Variants in BLM observed in about 807,000 individuals in gnomAD.
The protein encoded by BLM is recQ-like DNA helicase BLM.
A neutral mutation model predicts 135.3 loss-of-function variants in BLM; 95 were observed. That is an observed-to-expected ratio of 0.70 (90% CI 0.59 to 0.83). The LOEUF is 0.83. BLM is among the 40% of genes least tolerant of loss of function. The pLI, the probability that BLM is intolerant of heterozygous loss-of-function variation, is 0.00. For synonymous variants in BLM, 520 were observed against 589.2 expected, an observed-to-expected ratio of 0.88 and a Z score of 1.70; for missense variants, 1,518 against 1,663.9, an observed-to-expected ratio of 0.91 and a Z score of 1.53.
At chr15:90,729,232 C>A (rs558763535) in intron 1 of BLM, among the ~76,000 whole-genome samples, 2 of 152,170 alleles carry the variant, frequency 1.3e-5, no homozygotes, top group African/African-American at 4.8e-5. Context: ...ATTGCTTGAG[C>A]CCAGGAGACA....
chr15:90,737,418 G>A (rs944804635), intron 1 of BLM, among the ~76,000 whole-genome samples: 1 of 152,154 alleles, frequency 6.6e-6, no homozygotes, highest in East Asian at 1.9e-4. Context: ...TAATGGCCAG[G>A]TCTTAGATTT....
intron 12 of BLM, among the ~76,000 whole-genome samples, chr15:90,775,218 C>T (rs1257633058): frequency 2.6e-5 from 4 of 151,980 alleles, no homozygotes; most frequent in South Asian, 2.1e-4. Context: ...AGAGTGGATA[C>T]GGTTGAAGTT....
chr15:90,742,590 GTCTC>G (rs774912502), intron 1 of BLM, among the ~76,000 whole-genome samples: 14 of 150,552 alleles, frequency 9.3e-5, no homozygotes, highest in Admixed American at 5.3e-4. Context: ...TCCATCCCAT[GTCTC>G]TCTCTCTCTC....
intron 5 of BLM, 42 bp from the exon 6 acceptor site, chr15:90,760,105 T>C (rs754532500): frequency 6.3e-7 from 1 of 1,584,808 alleles, no homozygotes; most frequent in Admixed American, 1.7e-5. Flanking sequence ...CTTTTTTTTT[T>C]TTCCCTCAAA....
chr15:90,786,351 C>T (rs1464890340), intron 14 of BLM, among the ~76,000 whole-genome samples: 1 of 152,072 alleles, frequency 6.6e-6, no homozygotes, highest in Admixed American at 6.6e-5. Flanking sequence ...AGTTTTTCCA[C>T]GGACATATGT....
chr15:90,814,329 G>A (rs986122525), intron 21 of BLM, among the ~76,000 whole-genome samples: 2 of 152,216 alleles, frequency 1.3e-5, no homozygotes, highest in East Asian at 1.9e-4. Flanking sequence ...TAAACATGCC[G>A]GCCCCATGGT....
chr15:90,782,447 CAG>C (rs1196190663), intron 12 of BLM, among the ~76,000 whole-genome samples: 1 of 152,142 alleles, frequency 6.6e-6, no homozygotes, highest in Non-Finnish European at 1.5e-5. Context: ...GCTGCTATGA[CAG>C]AATACTGTAG....
rs763559820 is a variant in BLM at position 90,765,344 on chromosome 15, G to A, written c.2123G>A (p.Gly708Glu). The change falls in exon 9 of 22, where the codon GGG becomes GAG. Residue 708 changes from glycine to glutamate, a missense_variant. By Grantham distance (98) the Gly-to-Glu change is moderately conservative. This residue lies in a region of BLM where 626 missense variants were observed against 681.1 expected (regional missense o/e 0.92). Transcript: ENST00000355112. ...CAGCTCCCTGCCTGTGTTTCTCCTG[G>A]GGTCACTGTTGTCATTTCTCCCTTG... ...CYQLPACVSP[G>E]VTVVISPLRS... 2 of 1,613,824 alleles carry A rather than the reference G, an allele frequency of 1.2e-6. No homozygotes were observed. Among genetic ancestry groups the A allele is most frequent in the African/African-American group, 1.3e-5 (1 of 74,988 alleles).
chr15:90,751,790 A>G lies in BLM; in HGVS notation c.803A>G (p.Asn268Ser), dbSNP rs763432949. Reference protein sequence around the residue: ...LKTHLEDERDNSEKKKNLEEA... With the variant: ...LKTHLEDERDSSEKKKNLEEA... Reference sequence around the variant, plus strand: ...TTTATCAACTGTTTTACTGTAGATAATAGCGAAAAGAAGAAGAATTTGGAA... The same window carrying G: ...TTTATCAACTGTTTTACTGTAGATAGTAGCGAAAAGAAGAAGAATTTGGAA... The change falls in exon 4 of 22, where the codon AAT (asparagine) becomes AGT (serine). Residue 268 changes from asparagine (N) to serine (S), a missense_variant. Asn to Ser is a conservative substitution (Grantham distance 46). Transcript: ENST00000355112. 1.2e-5 allele frequency: 19 copies of G among 1,610,918 alleles called. No individual in the cohort carries two copies. Among genetic ancestry groups the G allele is most frequent in the East Asian group, 1.1e-4 (5 of 44,818 alleles).
At chr15:90,725,262 T>A (rs1361757282) in intron 1 of BLM, among the ~76,000 whole-genome samples, 1 of 152,106 alleles carries the variant, frequency 6.6e-6, no homozygotes, top group Non-Finnish European at 1.5e-5. Context: ...AAAGAGTGTG[T>A]ATGTTTTACC....
At chr15:90,797,084 G>A (rs538448442) in intron 16 of BLM, among the ~76,000 whole-genome samples, 1 of 152,230 alleles carries the variant, frequency 6.6e-6, no homozygotes, top group South Asian at 2.1e-4. Flanking sequence ...AAAGACCAAA[G>A]TAAGAGGATC....
chr15:90,787,218 T>G (rs1047901053), intron 14 of BLM, among the ~76,000 whole-genome samples: 1 of 51,752 alleles, frequency 1.9e-5, no homozygotes, highest in Admixed American at 1.4e-4. Flanking sequence ...CCCGGCTAAT[T>G]TTTTTTTGTA....
In BLM at chr15:90,803,554, T is replaced by C. The variant is rs1303187650; in HGVS notation, c.3392T>C (p.Phe1131Ser). ...AGTGCAAAAATCCAGTCAGGTATAT[T>C]TGGAAAAGGATCTGCTTATTCACGA... ...SKSAKIQSGI[F>S]GKGSAYSRHN... The change falls in exon 18 of 22, where the codon TTT (phenylalanine) becomes TCT (serine). Residue 1131 changes from phenylalanine to serine, a missense_variant. Coordinates refer to ENST00000355112, the MANE Select transcript of BLM (RefSeq NM_000057.4). The C allele has an allele frequency of 1.2e-6, 2 of 1,613,916 alleles. No individual in the cohort carries two copies. The highest frequency in any genetic ancestry group is 1.7e-6 in the Non-Finnish European group (2 of 1,179,818).
intron 14 of BLM, among the ~76,000 whole-genome samples, chr15:90,787,714 C>T (rs1896788319): frequency 6.6e-6 from 1 of 152,034 alleles, no homozygotes; most frequent in African/African-American, 2.4e-5. Flanking sequence ...TTTGAGAGGC[C>T]GATGTGGACG....
At chr15:90,767,069 A>C in intron 10 of BLM, 46 bp downstream of exon 10, 1 of 1,216,956 alleles carries the variant, frequency 8.2e-7, no homozygotes, top group Non-Finnish European at 1.2e-6. Flanking sequence ...AGACCACTAG[A>C]ATACATATAT....
At chr15:90,774,807 CAAAA>C (rs530219766) in intron 12 of BLM, among the ~76,000 whole-genome samples, 4 of 114,564 alleles carry the variant, frequency 3.5e-5, no homozygotes, top group African/African-American at 2.9e-5. Context: ...ACACTCCAGC[CAAAA>C]AAAAAAAAAA....
intron 14 of BLM, among the ~76,000 whole-genome samples, chr15:90,788,143 T>C (rs1478626134): frequency 6.6e-6 from 1 of 152,022 alleles, no homozygotes; most frequent in Non-Finnish European, 1.5e-5. Context: ...TTATCTTTGT[T>C]GACAAAAGGA....
intron 1 of BLM, among the ~76,000 whole-genome samples, chr15:90,733,496 G>A (rs977416694): frequency 5.9e-5 from 9 of 152,172 alleles, no homozygotes; most frequent in African/African-American, 1.4e-4. Flanking sequence ...GTTTTAGAAC[G>A]TAGAAAAGAA....
intron 1 of BLM, among the ~76,000 whole-genome samples, chr15:90,723,932 C>G (rs1430429811): frequency 6.6e-6 from 1 of 152,072 alleles, no homozygotes; most frequent in Non-Finnish European, 1.5e-5. Context: ...CTTCACTTTG[C>G]TTAATGGCTT....
Sources: allele counts gnomAD v4.1 joint callset (sites outside exome capture counted in the v4.1 genomes callset), GRCh38; gene constraint gnomAD v4.1.1; regional missense constraint gnomAD v4.1.1; transcripts MANE v1.5; gene names NCBI Gene and HGNC (gene_info 2026-07-23, HGNC 2026-07-21).